SLC35E1: variants seen among roughly 807,000 people sequenced by gnomAD.
The protein encoded by SLC35E1 is solute carrier family 35, member E1.
A neutral mutation model predicts 31.0 loss-of-function variants in SLC35E1; 12 were observed. The observed-to-expected ratio is 0.39, with a 90% CI of 0.25 to 0.63. The LOEUF (loss-of-function observed/expected upper bound fraction) is 0.63. Among genes scored for constraint, SLC35E1 ranks in the 20% least tolerant of loss-of-function variants. The pLI is 0.52. For synonymous variants in SLC35E1, 257 were observed against 264.1 expected, an observed-to-expected ratio of 0.97 and a Z score of 0.26; for missense variants, 429 against 572.2, an observed-to-expected ratio of 0.75 and a Z score of 2.55.
chr19:16,566,429 C>G, intron 4 of SLC35E1, 103 bp downstream of exon 4: 1 of 1,527,544 alleles, frequency 6.5e-7, no homozygotes, highest in Non-Finnish European at 8.9e-7. Flanking sequence ...GTCAGGTGCC[C>G]AAAAGATACC....
In SLC35E1 at chr19:16,552,159, G is replaced by C. The variant is rs752314319; in HGVS notation, c.*1520C>G. The C allele has an allele frequency of 6.6e-6, 1 of 152,116 alleles. No homozygotes were observed. The highest frequency in any genetic ancestry group is 1.5e-5 in the Non-Finnish European group (1 of 68,030). 9.4% of individuals were successfully genotyped at this position (152,116 alleles called of 1,614,324 possible). On this transcript the variant is annotated 3_prime_UTR_variant, in exon 6 of 6. Transcript: ENST00000595753. Reference sequence around the variant, plus strand: ...AGATCCTAACATAAACACAAAAACAGGTCAGGGAACCAAAACACTGTGGTC... The same window carrying C: ...AGATCCTAACATAAACACAAAAACACGTCAGGGAACCAAAACACTGTGGTC...
chr19:16,558,034 G>A (rs1457687712), intron 4 of SLC35E1, among the ~76,000 whole-genome samples: 1 of 147,748 alleles, frequency 6.8e-6, no homozygotes, highest in Non-Finnish European at 1.5e-5. Context: ...GGATGGTGAA[G>A]TTTTTTTTTT....
intron 4 of SLC35E1, among the ~76,000 whole-genome samples, chr19:16,558,623 T>G (rs866124903): frequency 6.6e-6 from 1 of 152,130 alleles, no homozygotes. Context: ...ATTATATGCA[T>G]GAACCACTGC....
Position 16,561,942 on chromosome 19 carries a change from C to CT in SLC35E1, c.756+4589dup, listed in dbSNP as rs567769424. On this transcript the variant is annotated intron_variant, in intron 4 of 5. Coordinates refer to ENST00000595753, the MANE Select transcript of SLC35E1 (RefSeq NM_024881.5). ...GTGGCTCACAGCTGTAATCCCAGCA[C>CT]TTTGAGAGGCCAAGGCGGGAGGATG... 1.5e-3 allele frequency among the ~76,000 whole-genome samples: 233 copies of CT among 152,242 alleles called. 2 individuals are homozygous for CT. The highest frequency in any genetic ancestry group is 3.4e-3 in the Middle Eastern group (1 of 294).
chr19:16,556,150 T>C (rs977683553), intron 4 of SLC35E1, among the ~76,000 whole-genome samples: 4 of 151,408 alleles, frequency 2.6e-5, no homozygotes. Context: ...GAGGTGGAGG[T>C]TGCAGTGAGC....
At position 16,569,542 on chromosome 19, in the gene SLC35E1, C is replaced by T. The variant is rs1031562161; in HGVS notation, c.493-1373G>A. 3.9e-5 allele frequency among the ~76,000 whole-genome samples: 6 copies of T among 152,186 alleles called. No homozygotes were observed. In the East Asian group the frequency reaches 7.7e-4, roughly 20 times the overall value. On this transcript the variant is annotated intron_variant, in intron 2 of 5. Coordinates refer to ENST00000595753, the MANE Select transcript of SLC35E1 (RefSeq NM_024881.5). ...TCCAGGATCCACCAGGATCCATTCCCGCGTGTCCAGCTCTTCTGACTCTCG... is the reference window on the plus strand; with the variant it reads ...TCCAGGATCCACCAGGATCCATTCCTGCGTGTCCAGCTCTTCTGACTCTCG...
At chr19:16,566,847 A>C (rs1457307497) in intron 3 of SLC35E1, among the ~76,000 whole-genome samples, 190 bp from the exon 4 acceptor site, 1 of 152,232 alleles carries the variant, frequency 6.6e-6, no homozygotes, top group East Asian at 1.9e-4. Flanking sequence ...TCCACGCATA[A>C]ACGACTGAGA....
In SLC35E1 at chr19:16,555,291, G is replaced by A; in HGVS notation, c.863C>T (p.Pro288Leu). The A allele has an allele frequency of 4.3e-6, 7 of 1,614,182 alleles. No individual in the cohort carries two copies. The highest frequency in any genetic ancestry group is 1.1e-5 in the South Asian group (1 of 91,080). ...GGCATTGGCGACCGAGTAGCTCAGG[G>A]GGCTAACGAGGTTGAGGATGCTGAA... ...IAFSILNLVS[P>L]LSYSVANATK... is the part of the protein sequence containing the mutation. The change falls in exon 5 of 6, where the codon CCC becomes CTC. Residue 288 changes from proline (P) to leucine (L), a missense_variant. Pro to Leu is a moderately conservative substitution (Grantham distance 98, BLOSUM62 -3). Transcript: ENST00000595753. The surrounding 1 kb of genome is among the most constrained non-coding windows in gnomAD (Gnocchi z 4.1).
At chr19:16,571,430 G>A in intron 2 of SLC35E1, 82 bp downstream of exon 2, 2 of 1,466,408 alleles carry the variant, frequency 1.4e-6, no homozygotes, top group Non-Finnish European at 1.9e-6. Flanking sequence ...CTGCAGACCA[G>A]GATCCTGACC....
rs2085840252 is a variant in SLC35E1 at position 16,550,590 on chromosome 19, G to T, written c.*3089C>A. ...TACTAAAAACACAAAAAATTAGCCA[G>T]CCGTGGTGGTGCATGCCTGTAATCC... On this transcript the variant is annotated 3_prime_UTR_variant, in exon 6 of 6. Coordinates refer to ENST00000595753, the MANE Select transcript of SLC35E1 (RefSeq NM_024881.5). 6.6e-6 allele frequency: 1 copy of T among 152,360 alleles called. No individual in the cohort carries two copies. Among genetic ancestry groups the T allele is most frequent in the Non-Finnish European group, 1.5e-5 (1 of 68,170 alleles). The allele number at this position is 152,360 out of a possible 1,614,324, so 9.4% of individuals were successfully genotyped here.
chr19:16,553,952 A>G (rs1468888747), intron 5 of SLC35E1, 43 bp from the exon 6 acceptor site: 1 of 1,502,438 alleles, frequency 6.7e-7, no homozygotes, highest in East Asian at 2.4e-5. Flanking sequence ...TGCCCGGGGC[A>G]TAAGAGCTCG....
chr19:16,559,788 C>T (rs1487722915), intron 4 of SLC35E1, among the ~76,000 whole-genome samples: 1 of 152,236 alleles, frequency 6.6e-6, no homozygotes, highest in Non-Finnish European at 1.5e-5. Context: ...ATCCCAACAT[C>T]TGTATCATTG....
intron 2 of SLC35E1, among the ~76,000 whole-genome samples, 184 bp downstream of exon 2, chr19:16,571,328 C>A (rs755845896): frequency 1.3e-5 from 2 of 152,154 alleles, no homozygotes; most frequent in Non-Finnish European, 2.9e-5. Context: ...CTCCACACAC[C>A]ACTGCTCACA....
intron 4 of SLC35E1, among the ~76,000 whole-genome samples, chr19:16,561,265 C>T (rs979579167): frequency 2.3e-5 from 3 of 132,088 alleles, no homozygotes; most frequent in African/African-American, 6.0e-5. Context: ...AAAGAGAAAG[C>T]CTAACAGGGG....
At chr19:16,557,228 C>G (rs986731272) in intron 4 of SLC35E1, 1 of 305,858 alleles carries the variant, frequency 3.3e-6, no homozygotes, top group African/African-American at 2.2e-5. Context: ...GAGTTTTGCT[C>G]TGTCGCCCAG....
chr19:16,568,382 C>T (rs1568275057), intron 2 of SLC35E1, among the ~76,000 whole-genome samples: 1 of 152,186 alleles, frequency 6.6e-6, no homozygotes, highest in Non-Finnish European at 1.5e-5. Flanking sequence ...TTGTGGGTAG[C>T]CCCATCCCCA....
At chr19:16,571,246 G>C (rs556662479) in intron 2 of SLC35E1, among the ~76,000 whole-genome samples, 8 of 152,300 alleles carry the variant, frequency 5.3e-5, no homozygotes, top group African/African-American at 1.7e-4. Context: ...TCAAAACGGG[G>C]AGGAAAATTG....
chr19:16,565,106 T>C (rs2085924920), intron 4 of SLC35E1: 1 of 456,604 alleles, frequency 2.2e-6, no homozygotes, highest in Non-Finnish European at 4.4e-6. Flanking sequence ...TTGCATTCAT[T>C]TATAACACAT....
chr19:16,561,605 AC>A (rs2085906834), intron 4 of SLC35E1, among the ~76,000 whole-genome samples: 1 of 152,216 alleles, frequency 6.6e-6, no homozygotes, highest in Non-Finnish European at 1.5e-5. Context: ...CCATTTGGCA[AC>A]TGGGCCAGGC....
Sources: allele counts gnomAD v4.1 joint callset (sites outside exome capture counted in the v4.1 genomes callset), GRCh38; gene constraint gnomAD v4.1.1; non-coding constraint Gnocchi (gnomAD v3.1); transcripts MANE v1.5; gene names NCBI Gene and HGNC (gene_info 2026-07-23, HGNC 2026-07-21).